The following SLC38A9 variants were observed in gnomAD, a reference collection of about 807,000 sequenced individuals.
SLC38A9 encodes solute carrier family 38 member 9.
Under a neutral mutation model 62.3 loss-of-function variants are expected in SLC38A9, and 48 were observed. The ratio of observed to expected loss-of-function variants is 0.77; its 90% CI spans 0.61 to 0.98. The LOEUF is 0.98. Ranked by LOEUF, SLC38A9 falls within the 50% of genes least tolerant of loss-of-function variation. The probability of loss-of-function intolerance (pLI) is 0.00; values close to 1 mark genes in which losing one functional copy is unlikely to be tolerated. For missense variants in SLC38A9, 541 were observed against 679.8 expected, an observed-to-expected ratio of 0.80 and a Z score of 2.27; for synonymous variants, 204 against 227.7, an observed-to-expected ratio of 0.90 and a Z score of 0.94.
rs2149994987 is a variant in SLC38A9 at position 55,626,518 on chromosome 5, G to A, written c.1662C>T (p.Asn554=). The change falls in exon 16 of 16, where the codon AAC becomes AAT. Residue 554 remains asparagine, a synonymous_variant. Transcript: ENST00000396865. ...TTCACATAAAAAACTGAACAATCAG[G>A]TTAGCCACGCCCAAAATGATGATGA... ...HVFIIILGVA[N]LIVQFFM is the part of the protein sequence containing the mutation. 1.2e-6 allele frequency: 2 copies of A among 1,612,932 alleles called. No homozygotes were observed. The highest frequency in any genetic ancestry group is 1.7e-4 in the Middle Eastern group (1 of 6,060).
intron 3 of SLC38A9, among the ~76,000 whole-genome samples, chr5:55,694,840 C>T (rs777998423): frequency 9.9e-5 from 15 of 151,896 alleles, no homozygotes; most frequent in Non-Finnish European, 2.2e-4. Context: ...GCAACCTCTG[C>T]CTCCCAGGTT....
intron 11 of SLC38A9, among the ~76,000 whole-genome samples, chr5:55,646,201 CCT>C (rs1746315767): frequency 6.6e-6 from 1 of 152,156 alleles, no homozygotes; most frequent in Non-Finnish European, 1.5e-5. Flanking sequence ...CATGGCGAAA[CCT>C]TGTCTTTACT....
chr5:55,669,931 G>A, intron 4 of SLC38A9, 52 bp from the exon 5 acceptor site: 1 of 1,538,148 alleles, frequency 6.5e-7, no homozygotes, highest in Admixed American at 2.0e-5. Context: ...TGCAAAATAG[G>A]ATATTTGTTA....
chr5:55,696,834 C>T (rs1423324768), intron 3 of SLC38A9: 2 of 163,426 alleles, frequency 1.2e-5, no homozygotes, highest in Non-Finnish European at 2.6e-5. Flanking sequence ...AGGGTCTCCT[C>T]TCTTCTCAGA....
intron 3 of SLC38A9, among the ~76,000 whole-genome samples, chr5:55,694,462 G>C (rs1315158082): frequency 3.3e-5 from 5 of 149,770 alleles, no homozygotes; most frequent in African/African-American, 1.2e-4. Context: ...ACAGCACCAG[G>C]GTTCTTAATG....
At chr5:55,685,220 T>C (rs775095354) in intron 3 of SLC38A9, among the ~76,000 whole-genome samples, 9 of 152,170 alleles carry the variant, frequency 5.9e-5, no homozygotes, top group Admixed American at 1.3e-4. Context: ...CCATAATCCA[T>C]TTTAGAACAT....
chr5:55,689,442 A>G (rs1018194275), intron 3 of SLC38A9, among the ~76,000 whole-genome samples: 4 of 152,204 alleles, frequency 2.6e-5, no homozygotes, highest in Admixed American at 2.6e-4. Context: ...GCCTCCATCA[A>G]TTCAATAATA....
intron 8 of SLC38A9, among the ~76,000 whole-genome samples, chr5:55,660,679 T>A (rs1312928564): frequency 6.6e-6 from 1 of 152,148 alleles, no homozygotes; most frequent in Non-Finnish European, 1.5e-5. Flanking sequence ...TGGATGTTAC[T>A]CTCAAGAAGC....
intron 3 of SLC38A9, chr5:55,691,272 T>C: frequency 7.1e-7 from 1 of 1,408,624 alleles, no homozygotes; most frequent in Non-Finnish European, 9.7e-7. Context: ...TCCATTATAA[T>C]ACCAAGCTGA....
At chr5:55,707,695 ATTGT>A (rs1400019724) in intron 2 of SLC38A9, among the ~76,000 whole-genome samples, 1 of 152,182 alleles carries the variant, frequency 6.6e-6, no homozygotes, top group African/African-American at 2.4e-5. Flanking sequence ...TGAGTCTCTA[ATTGT>A]TTAAGATTGG....
intron 12 of SLC38A9, among the ~76,000 whole-genome samples, chr5:55,641,274 C>G (rs1359581481): frequency 6.6e-6 from 1 of 152,198 alleles, no homozygotes; most frequent in Non-Finnish European, 1.5e-5. Flanking sequence ...CAATATGGAG[C>G]AGGCATCTTT....
At chr5:55,708,183 A>G (rs1418215559) in intron 2 of SLC38A9, among the ~76,000 whole-genome samples, 1 of 152,162 alleles carries the variant, frequency 6.6e-6, no homozygotes, top group Non-Finnish European at 1.5e-5. Context: ...TTGGTGACTG[A>G]GCCAGGCATG....
chr5:55,672,542 T>C, intron 4 of SLC38A9, 21 bp downstream of exon 4: 1 of 1,611,648 alleles, frequency 6.2e-7, no homozygotes, highest in Non-Finnish European at 8.5e-7. Flanking sequence ...TTTAGACTAT[T>C]AGTAATGTTT....
intron 3 of SLC38A9, chr5:55,696,882 C>T (rs1425405742): frequency 2.5e-5 from 4 of 159,794 alleles, no homozygotes; most frequent in Admixed American, 6.6e-5. Context: ...ACCTCCCAGA[C>T]GGGGTGGCGG....
chr5:55,661,815 TTACAGAG>T (rs1194055629), intron 8 of SLC38A9, among the ~76,000 whole-genome samples: 4 of 152,144 alleles, frequency 2.6e-5, no homozygotes, highest in African/African-American at 4.8e-5. Flanking sequence ...TATCCGAACT[TTACAGAG>T]TTCCTATAGG....
chr5:55,681,500 T>C (rs961003503), intron 3 of SLC38A9, among the ~76,000 whole-genome samples: 1 of 152,108 alleles, frequency 6.6e-6, no homozygotes. Context: ...CTATGGTTTA[T>C]GGCAGTTAAA....
intron 8 of SLC38A9, among the ~76,000 whole-genome samples, chr5:55,659,775 A>AT (rs1168616443): frequency 6.1e-5 from 9 of 146,978 alleles, no homozygotes; most frequent in African/African-American, 1.5e-4. Context: ...TTATTTATTT[A>AT]TTTTTTTTGA....
At chr5:55,680,220 T>TAGAGAGAGAG (rs72147048) in intron 3 of SLC38A9, among the ~76,000 whole-genome samples, 147 of 90,772 alleles carry the variant, frequency 1.6e-3, no homozygotes, top group African/African-American at 5.2e-3. Context: ...TATATCTATA[T>TAGAGAGAGAG]ATATATAGAG....
chr5:55,670,174 C>T (rs983717897), intron 4 of SLC38A9, among the ~76,000 whole-genome samples: 1 of 135,800 alleles, frequency 7.4e-6, no homozygotes, highest in African/African-American at 2.6e-5. Flanking sequence ...ACCATGTTAG[C>T]CAGGATGGTC....
Sources: gnomAD v4.1 joint callset for allele counts (sites outside exome capture counted in the v4.1 genomes callset) on GRCh38, gnomAD v4.1.1 for gene constraint, MANE v1.5 for transcripts, NCBI Gene and HGNC (gene_info 2026-07-23, HGNC 2026-07-21) for gene names.